SAMMSON: variants seen among roughly 807,000 people sequenced by gnomAD.
SAMMSON encodes survival associated mitochondrial melanoma specific oncogenic non-coding RNA.
chr3:70,133,109 T>G (rs1382624163), intron 4 of SAMMSON, among the ~76,000 whole-genome samples: 1 of 152,178 alleles, frequency 6.6e-6, no homozygotes, highest in Admixed American at 6.5e-5. Context: ...TGAAGTGATA[T>G]ATCTTTTTAC....
intron 2 of SAMMSON, among the ~76,000 whole-genome samples, chr3:70,413,478 C>G (rs894134676): frequency 1.3e-5 from 2 of 152,066 alleles, no homozygotes; most frequent in African/African-American, 4.8e-5. Context: ...TAAGCCTGTC[C>G]TACAGAAGCC....
chr3:70,020,146 A>G lies in SAMMSON; in HGVS notation n.417+6474A>G, dbSNP rs1160759214. On this transcript the variant is annotated intron_variant and non_coding_transcript_variant, in intron 3 of 9. Coordinates refer to ENST00000642114, the Ensembl canonical transcript of SAMMSON. ...GGGACTGGGCCGAGCACCAGTTGCAATTATGTGATTAGCCAAATCCCCACG... is the reference window on the plus strand; with the variant it reads ...GGGACTGGGCCGAGCACCAGTTGCAGTTATGTGATTAGCCAAATCCCCACG... Among the ~76,000 whole-genome samples the G allele has an allele frequency of 3.9e-5, 6 of 152,266 alleles. No homozygotes were observed. In the South Asian group the frequency reaches 6.2e-4, roughly 16 times the overall value.
intron 4 of SAMMSON, among the ~76,000 whole-genome samples, chr3:70,174,462 C>G (rs2106701698): frequency 1.3e-5 from 2 of 151,972 alleles, no homozygotes; most frequent in South Asian, 4.2e-4. Flanking sequence ...TCAAACCATG[C>G]AGAGTAGCAG....
intron 3 of SAMMSON, among the ~76,000 whole-genome samples, chr3:70,055,289 A>T (rs2067162859): frequency 1.3e-5 from 2 of 152,160 alleles, no homozygotes; most frequent in Non-Finnish European, 2.9e-5. Flanking sequence ...AAGAATTTTA[A>T]AAAACCATGG....
At chr3:70,257,242 A>G (rs1454405506) in intron 6 of SAMMSON, among the ~76,000 whole-genome samples, 2 of 152,194 alleles carry the variant, frequency 1.3e-5, no homozygotes. Context: ...CCATTCCTTA[A>G]AACCTGGCAC....
intron 4 of SAMMSON, among the ~76,000 whole-genome samples, chr3:70,227,195 G>A (rs1575601712): frequency 6.6e-6 from 1 of 152,124 alleles, no homozygotes; most frequent in Non-Finnish European, 1.5e-5. Flanking sequence ...CCATGATGGA[G>A]GATGAATTAG....
At chr3:70,224,233 C>G (rs897708406) in intron 4 of SAMMSON, among the ~76,000 whole-genome samples, 1 of 152,184 alleles carries the variant, frequency 6.6e-6, no homozygotes, top group South Asian at 2.1e-4. Context: ...ATTCGAAGTC[C>G]CAGCCAAGGT....
At chr3:70,398,642 T>C (rs1701112619) in intron 2 of SAMMSON, among the ~76,000 whole-genome samples, 3 of 152,208 alleles carry the variant, frequency 2.0e-5, no homozygotes, top group African/African-American at 7.2e-5. Context: ...GACCTGAAGT[T>C]GCTCTTCATA....
At chr3:70,265,427 T>C (rs1318023229) in intron 6 of SAMMSON, among the ~76,000 whole-genome samples, 1 of 152,066 alleles carries the variant, frequency 6.6e-6, no homozygotes, top group East Asian at 1.9e-4. Flanking sequence ...GGAAATCTCT[T>C]GATTTTAGGA....
intron 4 of SAMMSON, among the ~76,000 whole-genome samples, chr3:70,134,814 T>G (rs900093438): frequency 6.6e-6 from 1 of 152,122 alleles, no homozygotes; most frequent in Admixed American, 6.6e-5. Context: ...TGAATGGCAG[T>G]GTGTGTCAGT....
At position 70,197,234 on chromosome 3, in the gene SAMMSON, A is replaced by G. The variant is rs568285386; in HGVS notation, n.508-51873A>G. ...AATAGTGGCACATCTGGGGGCGTCT[A>G]TGAAGGACAGGCATGTGTGCTGGGA... On this transcript the variant is annotated intron_variant and non_coding_transcript_variant, in intron 4 of 9. Coordinates refer to ENST00000642114, the Ensembl canonical transcript of SAMMSON. 3 of 398,248 alleles carry G rather than the reference A, an allele frequency of 7.5e-6. No homozygotes were observed. In the East Asian group the frequency reaches 1.1e-4, roughly 14 times the overall value. The allele number at this position is 398,248 out of a possible 1,614,324, so 24.7% of individuals were successfully genotyped here.
intron 4 of SAMMSON, among the ~76,000 whole-genome samples, chr3:70,213,579 A>G (rs1363560217): frequency 6.6e-6 from 1 of 152,154 alleles, no homozygotes; most frequent in Non-Finnish European, 1.5e-5. Flanking sequence ...ATAAGCTACC[A>G]AACCATTAAC....
chr3:70,253,542 T>G (rs1474872866), intron 6 of SAMMSON, among the ~76,000 whole-genome samples: 1 of 152,088 alleles, frequency 6.6e-6, no homozygotes, highest in African/African-American at 2.4e-5. Context: ...CTGAGCAACA[T>G]AGCAAGACCT....
chr3:70,317,020 T>C (rs1366495796), intron 7 of SAMMSON, among the ~76,000 whole-genome samples: 16 of 152,042 alleles, frequency 1.1e-4, no homozygotes, highest in Admixed American at 1.0e-3. Flanking sequence ...TTGGTTCCTC[T>C]GGGGGTTACA....
chr3:70,031,943 A>G (rs771150860), intron 3 of SAMMSON, among the ~76,000 whole-genome samples: 4 of 152,220 alleles, frequency 2.6e-5, no homozygotes, highest in Non-Finnish European at 5.9e-5. Context: ...ACAGCTATGT[A>G]ATAATTTCAA....
intron 3 of SAMMSON, among the ~76,000 whole-genome samples, chr3:70,052,610 A>ACTT: frequency 6.6e-6 from 1 of 152,152 alleles, no homozygotes; most frequent in Non-Finnish European, 1.5e-5. Context: ...GAATTCTGGC[A>ACTT]TTAATGTTAT....
chr3:70,023,715 G>A (rs2067025263), intron 3 of SAMMSON, among the ~76,000 whole-genome samples: 1 of 152,112 alleles, frequency 6.6e-6, no homozygotes, highest in African/African-American at 2.4e-5. Flanking sequence ...AGCTGCATTT[G>A]CTTGTTGTTT....
chr3:70,290,745 C>T (rs756830887), intron 6 of SAMMSON, among the ~76,000 whole-genome samples: 1 of 152,194 alleles, frequency 6.6e-6, no homozygotes, highest in Admixed American at 6.5e-5. Flanking sequence ...GAGCCAGGTG[C>T]AGGTTATAAT....
intron 4 of SAMMSON, among the ~76,000 whole-genome samples, chr3:70,148,560 T>A (rs1459097709): frequency 6.6e-6 from 1 of 152,080 alleles, no homozygotes; most frequent in Non-Finnish European, 1.5e-5. Flanking sequence ...GGTGCCAGCA[T>A]CTTGTGAAGG....
Sources: allele counts gnomAD v4.1 joint callset (sites outside exome capture counted in the v4.1 genomes callset), GRCh38; gene constraint gnomAD v4.1.1; transcripts MANE v1.5; gene names NCBI Gene and HGNC (gene_info 2026-07-23, HGNC 2026-07-21).